MICAL2: variants seen among roughly 807,000 people sequenced by gnomAD.
The protein encoded by MICAL2 is [F-actin]-monooxygenase MICAL2.
In MICAL2, 77 loss-of-function variants were observed where a neutral mutation model predicts 127.3. The observed-to-expected ratio is 0.60, with a 90% CI of 0.50 to 0.73. MICAL2 has a LOEUF of 0.73. Among genes scored for constraint, MICAL2 ranks in the 30% least tolerant of loss-of-function variants. The pLI, the probability that MICAL2 is intolerant of heterozygous loss-of-function variation, is 0.00. For missense variants in MICAL2, 1,351 were observed against 1,434.4 expected (o/e 0.94, Z 0.94); for synonymous variants, 570 against 551.1 (o/e 1.03, Z -0.48).
Position 12,222,758 on chromosome 11 carries a change from G to T in MICAL2, c.1449+15G>T. On this transcript the variant is annotated intron_variant, in intron 11 of 27. Coordinates refer to ENST00000683283, the MANE Select transcript of MICAL2 (RefSeq NM_001282663.2). ...GGCCCCATCAGGCAAGTCCATTGCT[G>T]GGGCTCTGTCTGAATCACTCTGCAC... The T allele has an allele frequency of 6.2e-7, 1 of 1,613,992 alleles. No individual in the cohort carries two copies. Among genetic ancestry groups the T allele is most frequent in the Non-Finnish European group, 8.5e-7 (1 of 1,179,996 alleles).
At chr11:12,247,859 A>G (rs918672286) in intron 21 of MICAL2, among the ~76,000 whole-genome samples, 4 of 152,114 alleles carry the variant, frequency 2.6e-5, no homozygotes, top group Non-Finnish European at 5.9e-5. Context: ...ACTTCTTCCA[A>G]ACAGATTTTG....
At chr11:12,259,147 G>A (rs970054579) in intron 25 of MICAL2, among the ~76,000 whole-genome samples, 2 of 151,874 alleles carry the variant, frequency 1.3e-5, no homozygotes, top group Non-Finnish European at 1.5e-5. Flanking sequence ...TAAAAACATG[G>A]GAAGGAAAGA....
chr11:12,205,458 T>G (rs10430830), intron 4 of MICAL2, among the ~76,000 whole-genome samples: 100,476 of 152,044 alleles, frequency 0.66, 34,205 homozygotes, highest in African/African-American at 0.84. Context: ...AGGGCCAACT[T>G]CAGGACTTAA....
chr11:12,205,178 G>T (rs1854525659), intron 4 of MICAL2, among the ~76,000 whole-genome samples: 1 of 152,200 alleles, frequency 6.6e-6, no homozygotes, highest in Non-Finnish European at 1.5e-5. Flanking sequence ...TATAGGGAGA[G>T]ACGAGTGCTG....
At chr11:12,337,095 G>T (rs529242833) in intron 32 of MICAL2, among the ~76,000 whole-genome samples, 3 of 152,212 alleles carry the variant, frequency 2.0e-5, no homozygotes, top group South Asian at 2.1e-4. Flanking sequence ...GACTTGTTTT[G>T]GTTGGTAAGC....
At chr11:12,238,929 C>G (rs1163286721) in intron 16 of MICAL2, among the ~76,000 whole-genome samples, 1 of 152,074 alleles carries the variant, frequency 6.6e-6, no homozygotes, top group Non-Finnish European at 1.5e-5. Context: ...GGGGTAGGTA[C>G]AGAGGAGAAA....
At chr11:12,349,942 G>A in intron 33 of MICAL2, 2 of 1,612,442 alleles carry the variant, frequency 1.2e-6, no homozygotes, top group East Asian at 4.5e-5. Flanking sequence ...AATCATGTAA[G>A]TAAGGCAACA....
At chr11:12,239,646 C>G in intron 17 of MICAL2, 61 bp downstream of exon 17, 1 of 1,573,732 alleles carries the variant, frequency 6.4e-7, no homozygotes, top group Middle Eastern at 1.7e-4. Context: ...CAGGAATGTT[C>G]TGGCTGCTGA....
chr11:12,260,026 T>G (rs1185980865), intron 26 of MICAL2, 129 bp downstream of exon 26: 1 of 1,547,238 alleles, frequency 6.5e-7, no homozygotes, highest in Non-Finnish European at 8.7e-7. Flanking sequence ...TTACAACTAC[T>G]GCTACATGTA....
At chr11:12,268,872 G>C (rs912739743) in intron 24 of MICAL2, among the ~76,000 whole-genome samples, 1 of 151,806 alleles carries the variant, frequency 6.6e-6, no homozygotes, top group African/African-American at 2.4e-5. Context: ...AGTGGCAGGC[G>C]CCTGTAGTCC....
intron 29 of MICAL2, among the ~76,000 whole-genome samples, chr11:12,319,028 G>A (rs1195284141): frequency 6.6e-6 from 1 of 152,190 alleles, no homozygotes; most frequent in Non-Finnish European, 1.5e-5. Context: ...ACATCTGCAA[G>A]TTGGGAAAAT....
chr11:12,196,649 C>T (rs949546036), intron 3 of MICAL2, among the ~76,000 whole-genome samples: 1 of 152,172 alleles, frequency 6.6e-6, no homozygotes, highest in African/African-American at 2.4e-5. Context: ...TTTCTTTTCT[C>T]TCTTCTTACC....
intron 1 of MICAL2, among the ~76,000 whole-genome samples, chr11:12,111,413 G>GT (rs1849597594): frequency 6.6e-6 from 1 of 152,220 alleles, no homozygotes; most frequent in Non-Finnish European, 1.5e-5. Flanking sequence ...TGCCTGGCTG[G>GT]CCCCGGGGAG....
chr11:12,269,184 G>A (rs559936188), intron 24 of MICAL2, among the ~76,000 whole-genome samples: 2 of 152,296 alleles, frequency 1.3e-5, no homozygotes, highest in East Asian at 1.9e-4. Flanking sequence ...GCTCTGGCCA[G>A]GTTCTGAACA....
At chr11:12,263,456 A>AC in intron 27 of MICAL2, 104 bp from the exon 28 acceptor site, 1 of 152,464 alleles carries the variant, frequency 6.6e-6, no homozygotes, top group Non-Finnish European at 1.5e-5. Context: ...GACCACCCTG[A>AC]CCCCCGGGCC....
At chr11:12,198,196 C>T (rs1038381197) in intron 3 of MICAL2, among the ~76,000 whole-genome samples, 26 of 152,278 alleles carry the variant, frequency 1.7e-4, no homozygotes, top group Middle Eastern at 3.4e-3. Flanking sequence ...TCTGTTACCA[C>T]GGCTATGTCA....
At chr11:12,315,817 G>C (rs963741168) in intron 29 of MICAL2, among the ~76,000 whole-genome samples, 1 of 152,104 alleles carries the variant, frequency 6.6e-6, no homozygotes, top group Non-Finnish European at 1.5e-5. Context: ...CAATTTCCAA[G>C]AGAAAAGGGT....
chr11:12,208,693 G>A (rs374967849), intron 5 of MICAL2, among the ~76,000 whole-genome samples: 2 of 152,150 alleles, frequency 1.3e-5, no homozygotes, highest in Admixed American at 6.5e-5. Context: ...TAGCATGTTT[G>A]TTTAAATTCT....
At chr11:12,137,732 G>A (rs1851966934) in intron 1 of MICAL2, among the ~76,000 whole-genome samples, 1 of 152,142 alleles carries the variant, frequency 6.6e-6, no homozygotes, top group South Asian at 2.1e-4. Context: ...TCCCTTTGAG[G>A]TTACCTCTTA....
Sources: allele counts gnomAD v4.1 joint callset (sites outside exome capture counted in the v4.1 genomes callset), GRCh38; gene constraint gnomAD v4.1.1; transcripts MANE v1.5; gene names NCBI Gene and HGNC (gene_info 2026-07-23, HGNC 2026-07-21).